ZFYVE9: variants seen among roughly 807,000 people sequenced by gnomAD.
The protein encoded by ZFYVE9 is zinc finger FYVE-type containing 9, also known as zinc finger FYVE domain-containing protein 9.
A neutral mutation model predicts 126.7 loss-of-function variants in ZFYVE9; 43 were observed. The observed-to-expected ratio is 0.34, with a 90% confidence interval of 0.27 to 0.44. The LOEUF (loss-of-function observed/expected upper bound fraction) is 0.44. Among genes scored for constraint, ZFYVE9 ranks in the 20% least tolerant of loss-of-function variants. The pLI is 1.00. For missense variants in ZFYVE9, 1,476 were observed against 1,697.0 expected, an observed-to-expected ratio of 0.87 and a Z score of 2.29; for synonymous variants, 521 against 597.4, an observed-to-expected ratio of 0.87 and a Z score of 1.87.
intron 1 of ZFYVE9, among the ~76,000 whole-genome samples, chr1:52,208,422 A>G (rs972503908): frequency 6.6e-6 from 1 of 152,032 alleles, no homozygotes; most frequent in Non-Finnish European, 1.5e-5. Flanking sequence ...TCGAACTAAT[A>G]GGAACTTTCT....
chr1:52,163,790 A>G (rs1644484448), intron 1 of ZFYVE9, among the ~76,000 whole-genome samples: 1 of 152,074 alleles, frequency 6.6e-6, no homozygotes, highest in Non-Finnish European at 1.5e-5. Context: ...CGTGGGCAAC[A>G]TAGTGAGACC....
intron 12 of ZFYVE9, among the ~76,000 whole-genome samples, chr1:52,300,635 C>A (rs1235844614): frequency 6.7e-6 from 1 of 148,548 alleles, no homozygotes. Flanking sequence ...CATCTAGTTG[C>A]CATTTCCAGT....
chr1:52,253,689 G>A, intron 4 of ZFYVE9: 2 of 1,602,650 alleles, frequency 1.2e-6, no homozygotes, highest in Non-Finnish European at 1.7e-6. Context: ...GAACAGTACG[G>A]GAAATTGGGT....
intron 4 of ZFYVE9, among the ~76,000 whole-genome samples, chr1:52,260,362 T>C (rs1184243891): frequency 6.6e-6 from 1 of 152,166 alleles, no homozygotes; most frequent in Non-Finnish European, 1.5e-5. Context: ...TTGGAGGTAT[T>C]TGTTGGTTAT....
intron 13 of ZFYVE9, among the ~76,000 whole-genome samples, chr1:52,314,806 G>A (rs896541553): frequency 2.0e-5 from 3 of 151,680 alleles, no homozygotes; most frequent in South Asian, 2.1e-4. Flanking sequence ...AGTGAGACCC[G>A]GTCTCAAAAA....
At chr1:52,337,104 A>G (rs551153739) in intron 15 of ZFYVE9, among the ~76,000 whole-genome samples, 1 of 152,296 alleles carries the variant, frequency 6.6e-6, no homozygotes, top group Non-Finnish European at 1.5e-5. Flanking sequence ...TTGGCTGACT[A>G]TGAAATTGTT....
Position 52,218,263 on chromosome 1 carries a change from CCCACAATA to C in ZFYVE9, c.-37+1794_-37+1801del, listed in dbSNP as rs567830604. On this transcript the variant is annotated intron_variant, in intron 2 of 18. Coordinates refer to ENST00000287727, the MANE Select transcript of ZFYVE9 (RefSeq NM_004799.4). ...TTGGCAGTGTACCAAATATTGGTCC[CCCACAATA>C]CCACCATACATCCTCTCGGGGATGG... Among the ~76,000 whole-genome samples, 278 of 152,196 alleles carry C rather than the reference CCCACAATA, an allele frequency of 1.8e-3. 1 individual carries two copies. Among genetic ancestry groups the C allele is most frequent in the Admixed American group, 4.3e-3 (66 of 15,288 alleles).
intron 4 of ZFYVE9, among the ~76,000 whole-genome samples, 177 bp downstream of exon 4, chr1:52,239,772 T>C (rs1645315227): frequency 6.6e-6 from 1 of 152,204 alleles, no homozygotes; most frequent in Non-Finnish European, 1.5e-5. Context: ...GATTCTTAGA[T>C]AGTATTTGTA....
rs552213191 is a variant in ZFYVE9 at position 52,232,728 on chromosome 1, C to CAAA, written c.-36-419_-36-417dup. 6.1e-3 allele frequency among the ~76,000 whole-genome samples: 167 copies of CAAA among 27,300 alleles called. 12 individuals are homozygous for CAAA. The highest frequency in any genetic ancestry group is 8.7e-3 in the African/African-American group (85 of 9,744). The allele number at this position is 27,300 out of a possible 152,430, so 17.9% of individuals were successfully genotyped here. A position where few individuals can be genotyped will look rare whatever the true frequency, so the allele number is the denominator to read the frequency against. ...AGGCAACAAGAGTGAGACTCTGTCT[C>CAAA]AAAAAAAAAAAAAAAAAAAAAAAAA... On this transcript the variant is annotated intron_variant, in intron 2 of 18. Coordinates refer to ENST00000287727, the MANE Select transcript of ZFYVE9 (RefSeq NM_004799.4).
In ZFYVE9 at chr1:52,344,985, C is replaced by G. The variant is rs764256395; in HGVS notation, c.4116+41C>G. The G allele has an allele frequency of 1.9e-6, 3 of 1,603,476 alleles. No individual in the cohort carries two copies. In the African/African-American group the frequency reaches 4.0e-5, roughly 21 times the overall value. On this transcript the variant is annotated intron_variant, in intron 18 of 18. Coordinates refer to ENST00000287727, the MANE Select transcript of ZFYVE9 (RefSeq NM_004799.4). Reference sequence around the variant, plus strand: ...CGCAGCTTTTAAAGCTGGCCTTGGGCAACGTCTGTATTTCTGACGTGAGTT... The same window carrying G: ...CGCAGCTTTTAAAGCTGGCCTTGGGGAACGTCTGTATTTCTGACGTGAGTT...
chr1:52,297,189 A>G (rs1486561757), intron 12 of ZFYVE9, among the ~76,000 whole-genome samples: 1 of 152,168 alleles, frequency 6.6e-6, no homozygotes, highest in Non-Finnish European at 1.5e-5. Context: ...GCCCCAGGCA[A>G]GAAGGTCACA....
At chr1:52,186,337 G>A (rs1439966131) in intron 1 of ZFYVE9, among the ~76,000 whole-genome samples, 4 of 152,104 alleles carry the variant, frequency 2.6e-5, no homozygotes, top group South Asian at 2.1e-4. Flanking sequence ...AATAAGAGCC[G>A]TCTATGACCA....
chr1:52,190,065 C>A, intron 1 of ZFYVE9: 1 of 161,866 alleles, frequency 6.2e-6, no homozygotes, highest in African/African-American at 2.4e-5. Context: ...TTCGTAAGCC[C>A]AGTATAACAC....
chr1:52,332,230 A>G (rs1321024196), intron 13 of ZFYVE9, among the ~76,000 whole-genome samples: 1 of 152,068 alleles, frequency 6.6e-6, no homozygotes, highest in African/African-American at 2.4e-5. Flanking sequence ...CAGAATTATC[A>G]TGTTAAATCT....
intron 7 of ZFYVE9, among the ~76,000 whole-genome samples, chr1:52,270,438 G>A (rs972628468): frequency 1.3e-5 from 2 of 151,988 alleles, no homozygotes; most frequent in Admixed American, 1.3e-4. Flanking sequence ...TAATTTTTAT[G>A]TATTTTTAGT....
intron 2 of ZFYVE9, among the ~76,000 whole-genome samples, chr1:52,221,563 C>A (rs1025387026): frequency 1.3e-5 from 2 of 152,102 alleles, no homozygotes; most frequent in Non-Finnish European, 2.9e-5. Context: ...GATGAGGTTT[C>A]CCCCAAAGGT....
intron 1 of ZFYVE9, among the ~76,000 whole-genome samples, chr1:52,158,333 G>T (rs892669516): frequency 6.6e-6 from 1 of 152,176 alleles, no homozygotes; most frequent in Non-Finnish European, 1.5e-5. Flanking sequence ...TCCTTGGCAG[G>T]GTTAGCACTA....
intron 13 of ZFYVE9, among the ~76,000 whole-genome samples, chr1:52,329,374 G>A (rs1240223848): frequency 6.6e-6 from 1 of 152,028 alleles, no homozygotes; most frequent in Non-Finnish European, 1.5e-5. Context: ...AAATATAAGA[G>A]CTAAAACCAT....
At chr1:52,335,340 C>T (rs1646378867) in intron 15 of ZFYVE9, 1 of 152,892 alleles carries the variant, frequency 6.5e-6, no homozygotes, top group South Asian at 2.1e-4. Flanking sequence ...CAGGGCAATG[C>T]AGGGATGGCT....
Sources: gnomAD v4.1 joint callset for allele counts (sites outside exome capture counted in the v4.1 genomes callset) on GRCh38, gnomAD v4.1.1 for gene constraint, MANE v1.5 for transcripts, NCBI Gene and HGNC (gene_info 2026-07-23, HGNC 2026-07-21) for gene names.